The following GPHN variants were observed in gnomAD, a reference collection of about 807,000 sequenced individuals.
The protein encoded by GPHN is gephyrin.
Under a neutral mutation model 95.5 loss-of-function variants are expected in GPHN, and 17 were observed. That is an observed-to-expected ratio of 0.18 (90% CI 0.12 to 0.27). The LOEUF is 0.27. GPHN is among the 10% of genes least tolerant of loss of function. GPHN has a pLI of 1.00. For synonymous variants in GPHN, 320 were observed against 322.5 expected (o/e 0.99, Z 0.08); for missense variants, 660 against 978.1 (o/e 0.67, Z 4.34).
At chr14:67,332,328 G>A in the GPHN span, among the ~76,000 whole-genome samples, 5 of 152,162 alleles carry the variant, frequency 3.3e-5, no homozygotes, top group Admixed American at 3.3e-4. Context: ...GCAGCAGATA[G>A]TATAGGGCAA....
At chr14:67,343,240 C>G in the GPHN span, 2 of 626,120 alleles carry the variant, frequency 3.2e-6, no homozygotes, top group African/African-American at 3.7e-5. Context: ...ACACTTCTCT[C>G]TTTGCACTGT....
intron 3 of GPHN, among the ~76,000 whole-genome samples, chr14:66,820,051 G>A (rs951892823): frequency 1.3e-5 from 2 of 152,032 alleles, no homozygotes; most frequent in Non-Finnish European, 2.9e-5. Context: ...TTAAAAAATA[G>A]GAAAGTCATT....
chr14:67,116,440 A>AATTAGGGT (rs1191953537), intron 16 of GPHN, among the ~76,000 whole-genome samples: 2 of 152,114 alleles, frequency 1.3e-5, no homozygotes, highest in African/African-American at 4.8e-5. Context: ...GGGTGCACCA[A>AATTAGGGT]AATCTCACTA....
the GPHN span, among the ~76,000 whole-genome samples, chr14:67,717,479 C>G: frequency 6.6e-6 from 1 of 152,222 alleles, no homozygotes; most frequent in Non-Finnish European, 1.5e-5. Context: ...GTTAGCTTGG[C>G]TACAGCTGAG....
chr14:67,121,546 C>G (rs776551994), intron 16 of GPHN, among the ~76,000 whole-genome samples: 8 of 152,014 alleles, frequency 5.3e-5, no homozygotes, highest in East Asian at 1.9e-4. Context: ...GAATTTGAAC[C>G]CTGTTGGAAT....
chr14:66,806,347 C>T (rs954573625), intron 3 of GPHN, among the ~76,000 whole-genome samples: 1 of 152,220 alleles, frequency 6.6e-6, no homozygotes, highest in Non-Finnish European at 1.5e-5. Context: ...AGGTCTCTGA[C>T]AGTCCTTGGA....
At chr14:67,117,962 T>A (rs928002283) in intron 16 of GPHN, among the ~76,000 whole-genome samples, 2 of 152,126 alleles carry the variant, frequency 1.3e-5, no homozygotes, top group Non-Finnish European at 2.9e-5. Flanking sequence ...AGGATTTTCA[T>A]AATACCAAAA....
chr14:66,894,949 T>G (rs576253681), intron 5 of GPHN, among the ~76,000 whole-genome samples: 97 of 151,488 alleles, frequency 6.4e-4, no homozygotes, highest in African/African-American at 2.1e-3. Flanking sequence ...AGACAGTGTG[T>G]CGATTCCTCA....
chr14:66,605,362 T>C (rs2062471534), intron 1 of GPHN, among the ~76,000 whole-genome samples: 1 of 152,070 alleles, frequency 6.6e-6, no homozygotes, highest in South Asian at 2.1e-4. Context: ...TCAGCATTTA[T>C]TATTTTTTGA....
At chr14:66,739,324 C>G (rs1206741623) in intron 2 of GPHN, among the ~76,000 whole-genome samples, 1 of 149,590 alleles carries the variant, frequency 6.7e-6, no homozygotes, top group Admixed American at 6.7e-5. Flanking sequence ...TCATGCCATT[C>G]TCCTGCCTCA....
the GPHN span, chr14:67,581,709 C>A: frequency 1.0e-5 from 2 of 200,188 alleles, no homozygotes; most frequent in Non-Finnish European, 2.1e-5. Context: ...TAAGAAAATC[C>A]CATCCCTCCA....
chr14:66,726,373 T>A (rs981733086), intron 2 of GPHN, among the ~76,000 whole-genome samples: 7 of 152,236 alleles, frequency 4.6e-5, no homozygotes, highest in Non-Finnish European at 7.3e-5. Flanking sequence ...AAATTAAAAT[T>A]AAAATATGGT....
chr14:67,732,126 C>CA, the GPHN span, among the ~76,000 whole-genome samples: 882 of 76,432 alleles, frequency 0.012, 4 homozygotes, highest in East Asian at 0.023. Context: ...GACTCTGTCT[C>CA]AAAAAAAAAA....
chr14:67,064,381 G>A (rs1471761456), intron 11 of GPHN, among the ~76,000 whole-genome samples: 4 of 152,228 alleles, frequency 2.6e-5, no homozygotes, highest in East Asian at 1.9e-4. Flanking sequence ...CAGGGATATT[G>A]GTCTAAAATT....
In GPHN at chr14:66,798,435, G is replaced by A. The variant is rs180961420; in HGVS notation, c.201+21914G>A. Among the ~76,000 whole-genome samples the A allele has an allele frequency of 1.4e-3, 212 of 151,876 alleles. 1 individual carries two copies. The highest frequency in any genetic ancestry group is 0.011 in the South Asian group (55 of 4,818). ...TTTGGTAGAAAGCAGGGAAGCCATC[G>A]GGTCTTGGACTTCTTTACTGGGAGA... is the stretch of plus-strand genomic sequence containing the variant. On this transcript the variant is annotated intron_variant, in intron 3 of 22. Coordinates refer to ENST00000478722, the MANE Select transcript of GPHN (RefSeq NM_020806.5).
At chr14:67,392,914 A>G in the GPHN span, 2 of 1,361,096 alleles carry the variant, frequency 1.5e-6, no homozygotes, top group East Asian at 2.4e-5. Context: ...TGTGTGGCCA[A>G]TGACCTCACT....
chr14:67,144,984 A>G (rs1212876668), intron 18 of GPHN, among the ~76,000 whole-genome samples: 1 of 152,200 alleles, frequency 6.6e-6, no homozygotes, highest in Non-Finnish European at 1.5e-5. Context: ...CTTTAGCCCC[A>G]GGTAGAGCAA....
chr14:67,338,887 AATTTC>A, the GPHN span: 1 of 738,294 alleles, frequency 1.4e-6, no homozygotes, highest in Non-Finnish European at 2.0e-6. Context: ...TACTTTTATT[AATTTC>A]ATTTTCAGTA....
intron 4 of GPHN, among the ~76,000 whole-genome samples, chr14:66,868,636 C>T (rs577584329): frequency 1.8e-4 from 28 of 152,218 alleles, no homozygotes; most frequent in African/African-American, 5.5e-4. Context: ...TCAAGTGATC[C>T]GCCCACCTTG....
Sources: gnomAD v4.1 joint callset for allele counts (sites outside exome capture counted in the v4.1 genomes callset) on GRCh38, gnomAD v4.1.1 for gene constraint, MANE v1.5 for transcripts, NCBI Gene and HGNC (gene_info 2026-07-23, HGNC 2026-07-21) for gene names.